The following SLC1A4 variants were observed in gnomAD, a reference collection of about 807,000 sequenced individuals.
SLC1A4 encodes the protein neutral amino acid transporter A.
A neutral mutation model predicts 37.7 loss-of-function variants in SLC1A4; 19 were observed. The observed-to-expected ratio is 0.50, with a 90% CI of 0.35 to 0.74. The LOEUF (loss-of-function observed/expected upper bound fraction) is 0.74. Among genes scored for constraint, SLC1A4 ranks in the 30% least tolerant of loss-of-function variants. The probability of loss-of-function intolerance (pLI) is 0.01; values close to 1 mark genes in which losing one functional copy is unlikely to be tolerated. For missense variants in SLC1A4, 570 were observed against 712.9 expected (o/e 0.80, Z 2.28); for synonymous variants, 299 against 309.8 (o/e 0.97, Z 0.37).
At chr2:64,994,372 G>A (rs905600959) in intron 1 of SLC1A4, among the ~76,000 whole-genome samples, 1 of 152,262 alleles carries the variant, frequency 6.6e-6, no homozygotes, top group Non-Finnish European at 1.5e-5. Context: ...GAACCAAGGT[G>A]TAACTGCCAA....
chr2:65,002,287 A>ATAAAT (rs1673491866), intron 2 of SLC1A4, among the ~76,000 whole-genome samples: 1 of 151,080 alleles, frequency 6.6e-6, no homozygotes, highest in African/African-American at 2.4e-5. Flanking sequence ...CTCAAAATAA[A>ATAAAT]TAAATAAATA....
At chr2:65,002,293 A>AAATAAATAAATAAATAAATAAATAAATG (rs1673492511) in intron 2 of SLC1A4, among the ~76,000 whole-genome samples, 1 of 151,238 alleles carries the variant, frequency 6.6e-6, no homozygotes, top group Admixed American at 6.6e-5. Context: ...ATAAATAAAT[A>AAATAAATAAATAAATAAATAAATAAATG]AATAAATAAA....
chr2:65,001,411 T>C, intron 1 of SLC1A4, 37 bp from the exon 2 acceptor site: 2 of 1,606,450 alleles, frequency 1.2e-6, no homozygotes, highest in Non-Finnish European at 8.5e-7. Context: ...AAAATTGTTT[T>C]AAAAGAATAC....
intron 4 of SLC1A4, among the ~76,000 whole-genome samples, chr2:65,014,603 A>T (rs2422359): frequency 0.88 from 134,716 of 152,256 alleles, 59,958 homozygotes; most frequent in African/African-American, 0.97. Context: ...TCATCCCTGG[A>T]TAAGAACCAC....
At chr2:64,997,544 TTCATATCAACAGAA>T (rs1437400499) in intron 1 of SLC1A4, among the ~76,000 whole-genome samples, 4 of 152,198 alleles carry the variant, frequency 2.6e-5, no homozygotes, top group African/African-American at 9.7e-5. Flanking sequence ...TTTCTAGAGT[TTCATATCAACAGAA>T]TCATTCAGTA....
chr2:65,006,813 G>A (rs1673694870), intron 3 of SLC1A4, among the ~76,000 whole-genome samples: 1 of 151,480 alleles, frequency 6.6e-6, no homozygotes, highest in South Asian at 2.1e-4. Context: ...GGTGGCGTGT[G>A]CCTGTAGTAC....
Position 65,017,152 on chromosome 2 carries a change from C to T in SLC1A4, c.1034+479C>T, listed in dbSNP as rs573855621. 5.3e-5 allele frequency among the ~76,000 whole-genome samples: 8 copies of T among 152,258 alleles called. 1 individual carries two copies. The highest frequency in any genetic ancestry group is 1.9e-4 in the African/African-American group (8 of 41,540). ...CCCTGAGTAAAAGAAGGCAGCCCAC[C>T]TAACTCAAAAATGCATTGCAGGGAA... On this transcript the variant is annotated intron_variant, in intron 5 of 7. Coordinates refer to ENST00000234256, the MANE Select transcript of SLC1A4 (RefSeq NM_003038.5).
intron 5 of SLC1A4, 138 bp from the exon 6 acceptor site, chr2:65,017,933 T>C (rs1404108377): frequency 1.5e-6 from 1 of 684,964 alleles, no homozygotes; most frequent in Non-Finnish European, 2.4e-6. Flanking sequence ...AGTGATTCTG[T>C]TTTTTCCCTT....
At position 65,020,052 on chromosome 2, in the gene SLC1A4, A is replaced by G. The variant is rs148844715; in HGVS notation, c.1365-860A>G. Among the ~76,000 whole-genome samples, 751 of 152,334 alleles carry G rather than the reference A, an allele frequency of 4.9e-3. 6 individuals are homozygous for G. The highest frequency in any genetic ancestry group is 0.016 in the African/African-American group (677 of 41,576). On this transcript the variant is annotated intron_variant, in intron 7 of 7. Coordinates refer to ENST00000234256, the MANE Select transcript of SLC1A4 (RefSeq NM_003038.5). ...ACAGGGGAATGGTATTGGCTAATCT[A>G]TAACACAACAAGCTAGCTTCTGGAA...
At chr2:65,019,809 T>G (rs904889623) in intron 7 of SLC1A4, among the ~76,000 whole-genome samples, 1 of 152,258 alleles carries the variant, frequency 6.6e-6, no homozygotes, top group South Asian at 2.1e-4. Context: ...AGAAGAGGCA[T>G]CAAAGAGGTG....
intron 1 of SLC1A4, chr2:65,000,720 G>A (rs2103645088): frequency 6.6e-6 from 1 of 152,322 alleles, no homozygotes; most frequent in African/African-American, 2.4e-5. Flanking sequence ...ACAGAACCTT[G>A]TTTTGGAATT....
At chr2:65,008,809 T>TGTG (rs1673787795) in intron 3 of SLC1A4, among the ~76,000 whole-genome samples, 5 of 152,192 alleles carry the variant, frequency 3.3e-5, no homozygotes, top group Admixed American at 3.3e-4. Context: ...GTCTAAGTAC[T>TGTG]TTACATATAT....
chr2:65,018,330 C>T lies in SLC1A4; in HGVS notation c.1229+65C>T. 3 of 1,524,766 alleles carry T rather than the reference C, an allele frequency of 2.0e-6. No individual in the cohort carries two copies. Among genetic ancestry groups the T allele is most frequent in the Non-Finnish European group, 2.7e-6 (3 of 1,113,224 alleles). 94.5% of individuals were successfully genotyped at this position (1,524,766 alleles called of 1,614,324 possible). A position where few individuals can be genotyped will look rare whatever the true frequency, so the allele number is the denominator to read the frequency against. ...TTTTCTTGTGATTTCCTTTGAAAAA[C>T]CAATCTCACCACAACTTGGTGTCTC... is the stretch of plus-strand genomic sequence containing the variant. On this transcript the variant is annotated intron_variant, in intron 6 of 7. Coordinates refer to ENST00000234256, the MANE Select transcript of SLC1A4 (RefSeq NM_003038.5). The surrounding 1 kb of genome is among the most constrained non-coding windows in gnomAD (Gnocchi z 4.3).
At chr2:65,007,266 GTGTT>G (rs923342179) in intron 3 of SLC1A4, among the ~76,000 whole-genome samples, 5 of 121,836 alleles carry the variant, frequency 4.1e-5, no homozygotes, top group Non-Finnish European at 1.0e-4. Context: ...TAGGAAGAGT[GTGTT>G]TGTGTGTGTG....
intron 1 of SLC1A4, among the ~76,000 whole-genome samples, chr2:64,992,575 C>G (rs2268480): frequency 0.15 from 22,705 of 152,114 alleles, 1,685 homozygotes; most frequent in East Asian, 0.22. Context: ...TTATGACTGA[C>G]AAAACTGAGA....
chr2:65,019,184 G>A (rs72886522), intron 7 of SLC1A4, among the ~76,000 whole-genome samples: 1 of 152,174 alleles, frequency 6.6e-6, no homozygotes, highest in Non-Finnish European at 1.5e-5. Flanking sequence ...CATCTCTGGG[G>A]CTGCTGTGAA....
At position 64,999,895 on chromosome 2, in the gene SLC1A4, T is replaced by C. The variant is rs529260278; in HGVS notation, c.528-1553T>C. On this transcript the variant is annotated intron_variant, in intron 1 of 7. Coordinates refer to ENST00000234256, the MANE Select transcript of SLC1A4 (RefSeq NM_003038.5). ...GTGACATCCCATCACCTTTGCTGCA[T>C]TTGTTCATTAGAAGCAAGTCATAGG... is the stretch of plus-strand genomic sequence containing the variant. 5.9e-5 allele frequency: 9 copies of C among 152,116 alleles called. No homozygotes were observed. The South Asian group carries it at 1.7e-3, about 28-fold the overall frequency. The allele number at this position is 152,116 out of a possible 1,614,324, so 9.4% of individuals were successfully genotyped here. A position where few individuals can be genotyped will look rare whatever the true frequency, so the allele number is the denominator to read the frequency against.
At chr2:65,001,366 C>A in intron 1 of SLC1A4, 82 bp from the exon 2 acceptor site, 1 of 1,249,448 alleles carries the variant, frequency 8.0e-7, no homozygotes, top group Non-Finnish European at 1.2e-6. Flanking sequence ...CACACCACTG[C>A]ACTCCAGCCT....
Position 64,990,127 on chromosome 2 carries a change from C to T in SLC1A4, c.484C>T (p.Pro162Ser). Residue 162 changes from proline to serine, a missense_variant, in exon 1 of 8, where the codon CCT becomes TCT. Coordinates refer to ENST00000234256, the MANE Select transcript of SLC1A4 (RefSeq NM_003038.5). ...GGGGCTGGAGGACTCGGGGCCTCCTCCTGTCCCCAAAGAGACGGTGGACTC... is the reference window on the plus strand; with the variant it reads ...GGGGCTGGAGGACTCGGGGCCTCCTTCTGTCCCCAAAGAGACGGTGGACTC... ...DLGLEDSGPP[P>S]VPKETVDSFL... The T allele has an allele frequency of 1.2e-6, 2 of 1,611,184 alleles. No individual in the cohort carries two copies. The highest frequency in any genetic ancestry group is 1.7e-6 in the Non-Finnish European group (2 of 1,178,832).
Sources: gnomAD v4.1 joint callset for allele counts (sites outside exome capture counted in the v4.1 genomes callset) on GRCh38, gnomAD v4.1.1 for gene constraint, Gnocchi (gnomAD v3.1) non-coding constraint, MANE v1.5 for transcripts, NCBI Gene and HGNC (gene_info 2026-07-23, HGNC 2026-07-21) for gene names.